GRIA4: variants seen among roughly 807,000 people sequenced by gnomAD.
GRIA4 encodes the protein glutamate receptor 4.
A neutral mutation model predicts 104.0 loss-of-function variants in GRIA4; 34 were observed. That is an observed-to-expected ratio of 0.33 (90% CI 0.25 to 0.44). The LOEUF is 0.44. GRIA4 is among the 20% of genes least tolerant of loss of function. The pLI is 1.00. For missense variants in GRIA4, 750 were observed against 1,096.5 expected (o/e 0.68, Z 4.46); for synonymous variants, 386 against 381.9 (o/e 1.01, Z -0.13).
At chr11:105,934,811 A>G (rs1432595899) in intron 14 of GRIA4, among the ~76,000 whole-genome samples, 1 of 152,162 alleles carries the variant, frequency 6.6e-6, no homozygotes, top group East Asian at 1.9e-4. Context: ...TTAAGCAATA[A>G]AGGCTGCTGT....
chr11:105,617,206 C>G (rs946311242), intron 3 of GRIA4, among the ~76,000 whole-genome samples: 1 of 149,986 alleles, frequency 6.7e-6, no homozygotes, highest in Non-Finnish European at 1.5e-5. Context: ...ATACACCTTA[C>G]ACTTTATGAC....
intron 4 of GRIA4, among the ~76,000 whole-genome samples, chr11:105,763,280 T>C (rs1363538567): frequency 6.6e-6 from 1 of 152,036 alleles, no homozygotes; most frequent in East Asian, 1.9e-4. Context: ...AGAAGTCTGG[T>C]TTGATTAAAA....
At chr11:105,786,646 C>T (rs1941979713) in intron 4 of GRIA4, among the ~76,000 whole-genome samples, 2 of 152,182 alleles carry the variant, frequency 1.3e-5, no homozygotes, top group African/African-American at 4.8e-5. Flanking sequence ...AATCTTTCCC[C>T]CAGAAAGGTT....
chr11:105,929,812 T>G (rs1168460457), intron 13 of GRIA4, among the ~76,000 whole-genome samples: 1 of 152,112 alleles, frequency 6.6e-6, no homozygotes. Flanking sequence ...GAAGCAGAAA[T>G]GGTGGAATAC....
chr11:105,626,220 A>G (rs2135290875), intron 3 of GRIA4, among the ~76,000 whole-genome samples: 1 of 152,184 alleles, frequency 6.6e-6, no homozygotes, highest in East Asian at 1.9e-4. Context: ...GAAATCTTGC[A>G]GAAATATTTC....
At chr11:105,780,703 T>G (rs898777169) in intron 4 of GRIA4, among the ~76,000 whole-genome samples, 1 of 152,290 alleles carries the variant, frequency 6.6e-6, no homozygotes, top group Non-Finnish European at 1.5e-5. Flanking sequence ...AATTAATATA[T>G]GAATTTGTAT....
intron 4 of GRIA4, among the ~76,000 whole-genome samples, chr11:105,859,184 A>G (rs1945127235): frequency 6.6e-6 from 1 of 152,172 alleles, no homozygotes; most frequent in African/African-American, 2.4e-5. Context: ...TAAATAAGAC[A>G]CTCACATCTG....
At chr11:105,895,693 ACCTCTAG>A (rs1162967721) in intron 6 of GRIA4, among the ~76,000 whole-genome samples, 1 of 151,990 alleles carries the variant, frequency 6.6e-6, no homozygotes, top group Admixed American at 6.6e-5. Context: ...CTTGATTACT[ACCTCTAG>A]GCAAGAAGGG....
intron 3 of GRIA4, among the ~76,000 whole-genome samples, chr11:105,712,901 G>T (rs186479378): frequency 1.3e-3 from 201 of 151,888 alleles, no homozygotes; most frequent in African/African-American, 4.5e-3. Context: ...TTTAATAAAG[G>T]GAAACCACAT....
intron 3 of GRIA4, among the ~76,000 whole-genome samples, chr11:105,725,279 A>G (rs1938123354): frequency 6.6e-6 from 1 of 152,204 alleles, no homozygotes; most frequent in Non-Finnish European, 1.5e-5. Context: ...TTTATTAAAA[A>G]GTTCTAAGTA....
chr11:105,945,965 T>G (rs991610137), intron 14 of GRIA4, among the ~76,000 whole-genome samples: 2 of 152,162 alleles, frequency 1.3e-5, no homozygotes, highest in African/African-American at 2.4e-5. Context: ...ACCACTAATA[T>G]CATTTTAATG....
intron 4 of GRIA4, among the ~76,000 whole-genome samples, chr11:105,765,356 CAGT>C (rs776253477): frequency 2.7e-4 from 41 of 152,146 alleles, no homozygotes; most frequent in Non-Finnish European, 4.9e-4. Context: ...ACAATAACAA[CAGT>C]AGAATTGCAT....
chr11:105,611,161 A>G (rs1486332977), intron 2 of GRIA4, 76 bp downstream of exon 2: 17 of 1,017,650 alleles, frequency 1.7e-5, no homozygotes, highest in Middle Eastern at 4.7e-4. Flanking sequence ...TGAGTTGCTG[A>G]TAAGCAATTC....
At chr11:105,779,460 T>C (rs1941611662) in intron 4 of GRIA4, among the ~76,000 whole-genome samples, 1 of 152,094 alleles carries the variant, frequency 6.6e-6, no homozygotes, top group Admixed American at 6.6e-5. Context: ...CCTTCCTGTG[T>C]CCATGTGATC....
intron 4 of GRIA4, among the ~76,000 whole-genome samples, chr11:105,803,259 A>G (rs1942798353): frequency 6.6e-6 from 1 of 151,994 alleles, no homozygotes; most frequent in African/African-American, 2.4e-5. Flanking sequence ...ATAGTTACCA[A>G]ATTCTTGCAG....
intron 4 of GRIA4, chr11:105,824,755 A>T (rs896402472): frequency 1.3e-5 from 2 of 152,134 alleles, no homozygotes; most frequent in African/African-American, 4.8e-5. Flanking sequence ...TCTCGCAAGA[A>T]ATCAAGGCTA....
rs1591509470 is a variant in GRIA4, at chr11:105,979,854, G to A, written c.*115G>A. 8 of 727,460 alleles carry A rather than the reference G, an allele frequency of 1.1e-5. No homozygotes were observed. In the East Asian group the frequency reaches 1.4e-4, roughly 12 times the overall value. 45.1% of individuals were successfully genotyped at this position (727,460 alleles called of 1,614,324 possible). ...CTAAACCAATCCTTTGGCTGAGAGC[G>A]GGAAGTCCGTCCTAACGCGCTGGCC... On this transcript the variant is annotated 3_prime_UTR_variant, in exon 17 of 17. Coordinates refer to ENST00000282499, the MANE Select transcript of GRIA4 (RefSeq NM_000829.4).
intron 14 of GRIA4, among the ~76,000 whole-genome samples, chr11:105,953,225 C>A (rs1215533144): frequency 2.0e-5 from 3 of 152,216 alleles, no homozygotes; most frequent in Non-Finnish European, 1.5e-5. Context: ...TAGTTCTTCA[C>A]TCTTCATCAT....
intron 3 of GRIA4, among the ~76,000 whole-genome samples, chr11:105,703,625 G>A (rs1953585430): frequency 6.6e-6 from 1 of 152,108 alleles, no homozygotes; most frequent in South Asian, 2.1e-4. Flanking sequence ...CACAATGGAG[G>A]TAAAATTATG....
Sources: gnomAD v4.1 joint callset for allele counts (sites outside exome capture counted in the v4.1 genomes callset) on GRCh38, gnomAD v4.1.1 for gene constraint, MANE v1.5 for transcripts, NCBI Gene and HGNC (gene_info 2026-07-23, HGNC 2026-07-21) for gene names.